The following NXPE4 variants were observed in gnomAD, a reference collection of about 807,000 sequenced individuals.
NXPE4 encodes the protein neurexophilin and PC-esterase domain family member 4.
Under a neutral mutation model 33.3 loss-of-function variants are expected in NXPE4, and 42 were observed. That is an observed-to-expected ratio of 1.26 (90% CI 0.98 to 1.63). The LOEUF is 1.63. Among genes scored for constraint, NXPE4 ranks in the 40% most tolerant of loss-of-function variants. The pLI, the probability that NXPE4 is intolerant of heterozygous loss-of-function variation, is 0.00. For missense variants in NXPE4, 709 were observed against 647.6 expected, an observed-to-expected ratio of 1.09 and a Z score of -1.03; for synonymous variants, 253 against 234.9, an observed-to-expected ratio of 1.08 and a Z score of -0.71.
the NXPE4 span, among the ~76,000 whole-genome samples, chr11:114,650,598 G>A: frequency 6.6e-6 from 1 of 152,194 alleles, no homozygotes; most frequent in African/African-American, 2.4e-5. Flanking sequence ...GCAAAGGGAG[G>A]AGGTGGAAGA....
At chr11:114,611,655 G>T in the NXPE4 span, among the ~76,000 whole-genome samples, 1 of 150,734 alleles carries the variant, frequency 6.6e-6, no homozygotes, top group Admixed American at 6.6e-5. Flanking sequence ...ACTGTTACCT[G>T]GTGGATAATA....
intron 5 of NXPE4, among the ~76,000 whole-genome samples, chr11:114,577,694 A>T (rs1188152620): frequency 6.6e-6 from 1 of 152,286 alleles, no homozygotes; most frequent in East Asian, 1.9e-4. Context: ...TCAGTTTTGT[A>T]GATATTATTT....
At chr11:114,673,173 T>G in the NXPE4 span, among the ~76,000 whole-genome samples, 2 of 150,480 alleles carry the variant, frequency 1.3e-5, no homozygotes, top group Non-Finnish European at 3.0e-5. Flanking sequence ...GTAATGAAAA[T>G]AAATTTGGAA....
chr11:114,632,568 C>T, the NXPE4 span, among the ~76,000 whole-genome samples: 2 of 107,858 alleles, frequency 1.9e-5, no homozygotes, highest in African/African-American at 7.4e-5. Flanking sequence ...TATATATTTA[C>T]ATATATCATA....
chr11:114,613,756 GATA>G, the NXPE4 span, among the ~76,000 whole-genome samples: 1 of 151,756 alleles, frequency 6.6e-6, no homozygotes. Flanking sequence ...TTACCCGGTG[GATA>G]ATAAGTGTTG....
At chr11:114,576,430 A>G (rs1248764220) in intron 5 of NXPE4, among the ~76,000 whole-genome samples, 1 of 152,186 alleles carries the variant, frequency 6.6e-6, no homozygotes, top group Non-Finnish European at 1.5e-5. Context: ...AGAGTGGGAG[A>G]AAACCTTCAC....
the NXPE4 span, among the ~76,000 whole-genome samples, chr11:114,609,775 C>T: frequency 0.016 from 2,430 of 149,520 alleles, 35 homozygotes; most frequent in Non-Finnish European, 0.023. Flanking sequence ...TATTGCCTCG[C>T]GGGTAACCAC....
chr11:114,607,686 G>T, the NXPE4 span, among the ~76,000 whole-genome samples: 6 of 151,750 alleles, frequency 4.0e-5, no homozygotes, highest in African/African-American at 1.5e-4. Flanking sequence ...TGAGTTGCGG[G>T]TAACCACTGT....
the NXPE4 span, among the ~76,000 whole-genome samples, chr11:114,621,836 AAAAT>A: frequency 6.6e-6 from 1 of 152,134 alleles, no homozygotes; most frequent in African/African-American, 2.4e-5. Flanking sequence ...TACCTGCTGG[AAAAT>A]AAATATTGCC....
At chr11:114,625,513 G>A in the NXPE4 span, among the ~76,000 whole-genome samples, 3 of 151,412 alleles carry the variant, frequency 2.0e-5, no homozygotes, top group Admixed American at 6.6e-5. Flanking sequence ...ACTGTTACCA[G>A]GTGGATAATA....
chr11:114,653,754 T>G, the NXPE4 span, among the ~76,000 whole-genome samples: 4 of 151,982 alleles, frequency 2.6e-5, no homozygotes, highest in African/African-American at 9.7e-5. Flanking sequence ...GGTCTTGATC[T>G]CCTGACCTCG....
At chr11:114,631,219 C>A in the NXPE4 span, among the ~76,000 whole-genome samples, 6 of 152,056 alleles carry the variant, frequency 3.9e-5, no homozygotes, top group African/African-American at 1.2e-4. Flanking sequence ...AAGACACATG[C>A]ACACATATGT....
chr11:114,636,685 A>G, the NXPE4 span, among the ~76,000 whole-genome samples: 15 of 152,170 alleles, frequency 9.9e-5, no homozygotes, highest in Non-Finnish European at 1.6e-4. Context: ...TTGATTTCAA[A>G]GAACATCTTT....
the NXPE4 span, among the ~76,000 whole-genome samples, chr11:114,663,356 T>G: frequency 6.6e-6 from 1 of 152,150 alleles, no homozygotes; most frequent in Admixed American, 6.6e-5. Flanking sequence ...TCTGGATTGG[T>G]GGGCCCTCTT....
the NXPE4 span, among the ~76,000 whole-genome samples, chr11:114,622,826 C>T: frequency 1.3e-5 from 2 of 152,020 alleles, no homozygotes; most frequent in Non-Finnish European, 2.9e-5. Flanking sequence ...ACCACTCTTA[C>T]CCAGTGGATA....
chr11:114,622,352 G>A, the NXPE4 span, among the ~76,000 whole-genome samples: 57 of 151,942 alleles, frequency 3.8e-4, 1 homozygote, highest in South Asian at 9.6e-3. Context: ...GTGTTGCCTC[G>A]TGGGTAACCA....
At chr11:114,595,211 T>C (rs532348734) in intron 1 of NXPE4, among the ~76,000 whole-genome samples, 1 of 152,300 alleles carries the variant, frequency 6.6e-6, no homozygotes, top group Admixed American at 6.5e-5. Flanking sequence ...TTCTGTTTCA[T>C]TAATGCCAAT....
At chr11:114,621,210 T>C in the NXPE4 span, among the ~76,000 whole-genome samples, 1 of 152,150 alleles carries the variant, frequency 6.6e-6, no homozygotes, top group African/African-American at 2.4e-5. Context: ...TGGTGGATAA[T>C]AAGTGTTGCC....
At chr11:114,644,437 C>A in the NXPE4 span, among the ~76,000 whole-genome samples, 1 of 152,040 alleles carries the variant, frequency 6.6e-6, no homozygotes, top group Admixed American at 6.6e-5. Context: ...CCATCAATAC[C>A]TAGTTTATTG....
Sources: gnomAD v4.1 joint callset for allele counts (sites outside exome capture counted in the v4.1 genomes callset) on GRCh38, gnomAD v4.1.1 for gene constraint, MANE v1.5 for transcripts, NCBI Gene and HGNC (gene_info 2026-07-23, HGNC 2026-07-21) for gene names.